The following TANGO6 variants were observed in gnomAD, a reference collection of about 807,000 sequenced individuals.
The protein encoded by TANGO6 is transport and golgi organization 6 homolog.
A neutral mutation model predicts 114.2 loss-of-function variants in TANGO6; 90 were observed. The observed-to-expected ratio is 0.79, with a 90% CI of 0.66 to 0.94. TANGO6 has a LOEUF of 0.94. TANGO6 is among the 40% of genes least tolerant of loss of function. The pLI, the probability that TANGO6 is intolerant of heterozygous loss-of-function variation, is 0.00. For synonymous variants in TANGO6, 477 were observed against 509.8 expected (o/e 0.94, Z 0.87); for missense variants, 1,274 against 1,315.3 (o/e 0.97, Z 0.49).
intron 15 of TANGO6, among the ~76,000 whole-genome samples, chr16:69,018,327 T>C (rs925134416): frequency 9.9e-5 from 15 of 150,894 alleles, no homozygotes; most frequent in Admixed American, 4.0e-4. Context: ...TTTTAATATT[T>C]TTAGTAGAGA....
chr16:68,877,677 C>T (rs1053349867), intron 5 of TANGO6, among the ~76,000 whole-genome samples: 3 of 151,620 alleles, frequency 2.0e-5, no homozygotes, highest in Admixed American at 6.6e-5. Context: ...GCGCGATCTC[C>T]GCTCACTGCA....
intron 17 of TANGO6, among the ~76,000 whole-genome samples, chr16:69,045,412 C>T (rs1200342639): frequency 6.9e-6 from 1 of 144,020 alleles, no homozygotes. Flanking sequence ...CCACTGCACT[C>T]CAGCCTGGGT....
chr16:68,922,050 T>C (rs1009350045), intron 12 of TANGO6, among the ~76,000 whole-genome samples: 4 of 152,140 alleles, frequency 2.6e-5, no homozygotes, highest in Admixed American at 6.6e-5. Flanking sequence ...GCTAACAATA[T>C]ACTGTTTTTT....
chr16:68,973,819 G>A (rs1963734246), intron 14 of TANGO6: 1 of 585,482 alleles, frequency 1.7e-6, no homozygotes, highest in African/African-American at 1.9e-5. Flanking sequence ...GTATCAGGCT[G>A]GGACTAGACA....
At position 68,868,492 on chromosome 16, in the gene TANGO6, A is replaced by ATTTTTTTTTTT. The variant is rs765054621; in HGVS notation, c.994+1285_994+1295dup. Among the ~76,000 whole-genome samples the ATTTTTTTTTTT allele has an allele frequency of 1.3e-3, 119 of 93,686 alleles. 3 individuals carry two copies. The highest frequency in any genetic ancestry group is 2.0e-3 in the Non-Finnish European group (98 of 48,218). 61.5% of individuals were successfully genotyped at this position (93,686 alleles called of 152,430 possible). Reference sequence around the variant, plus strand: ...TTCTGGTATTTACCTCTATATTTCTATTTTTTTTTTTTTTTTTTTTTTTGA... The same window carrying ATTTTTTTTTTT: ...TTCTGGTATTTACCTCTATATTTCTATTTTTTTTTTTTTTTTTTTTTTTTTTTTTTTTTTGA... On this transcript the variant is annotated intron_variant, in intron 4 of 17. Coordinates refer to ENST00000261778, the MANE Select transcript of TANGO6 (RefSeq NM_024562.2).
chr16:69,060,806 A>G (rs1048169695), intron 17 of TANGO6, among the ~76,000 whole-genome samples: 4 of 151,928 alleles, frequency 2.6e-5, no homozygotes, highest in African/African-American at 9.7e-5. Flanking sequence ...ATCCTGGCCA[A>G]CATGGTGAAA....
intron 15 of TANGO6, among the ~76,000 whole-genome samples, chr16:68,988,121 A>G (rs1353280616): frequency 6.6e-6 from 1 of 152,100 alleles, no homozygotes; most frequent in Admixed American, 6.6e-5. Flanking sequence ...AATTCTTGGA[A>G]AAGCTGTCTG....
rs144665570 is a variant in TANGO6, at chr16:69,037,452, G to A, written c.2995-2856G>A. ...ACCCTCTGCTCGGTCCATGGCCTTG[G>A]GCTGGCTTCCATAATTTAGCCATCA... is the stretch of plus-strand genomic sequence containing the variant. On this transcript the variant is annotated intron_variant, in intron 16 of 17. Transcript: ENST00000261778. 7.3e-3 allele frequency among the ~76,000 whole-genome samples: 1,112 copies of A among 152,296 alleles called. 5 individuals are homozygous for A. Among genetic ancestry groups the A allele is most frequent in the Non-Finnish European group, 0.012 (798 of 68,024 alleles).
At chr16:69,054,094 C>A (rs556890543) in intron 17 of TANGO6, among the ~76,000 whole-genome samples, 1 of 152,176 alleles carries the variant, frequency 6.6e-6, no homozygotes, top group Admixed American at 6.5e-5. Flanking sequence ...CTTGGTCTCC[C>A]ATAGAGGATA....
chr16:69,013,681 A>T (rs1959233771), intron 15 of TANGO6, among the ~76,000 whole-genome samples: 1 of 134,308 alleles, frequency 7.4e-6, no homozygotes, highest in South Asian at 2.4e-4. Context: ...TTCCGAGACC[A>T]GGTCTCACTC....
chr16:69,083,881 A>C lies in TANGO6; in HGVS notation c.*220A>C, dbSNP rs1320085838. 3 of 478,560 alleles carry C rather than the reference A, an allele frequency of 6.3e-6. No homozygotes were observed. The highest frequency in any genetic ancestry group is 1.1e-5 in the Non-Finnish European group (3 of 269,232). The allele number at this position is 478,560 out of a possible 1,614,324, so 29.6% of individuals were successfully genotyped here. ...CTGAGGGGTGTACAGTTAAGAGAAG[A>C]CAGTTACAGATCTCATTAATCTACA... On this transcript the variant is annotated 3_prime_UTR_variant, in exon 18 of 18. Transcript: ENST00000261778.
intron 14 of TANGO6, among the ~76,000 whole-genome samples, chr16:68,950,624 G>C (rs1436967214): frequency 6.6e-6 from 1 of 151,740 alleles, no homozygotes; most frequent in Non-Finnish European, 1.5e-5. Flanking sequence ...ACTTTGGGAG[G>C]CTGAGGTGGG....
intron 14 of TANGO6, among the ~76,000 whole-genome samples, chr16:68,943,394 C>G (rs1372480291): frequency 6.9e-6 from 1 of 144,146 alleles, no homozygotes; most frequent in Non-Finnish European, 1.5e-5. Flanking sequence ...GACAGAGTCT[C>G]GCTCTGTCAC....
intron 14 of TANGO6, among the ~76,000 whole-genome samples, chr16:68,953,050 TTTA>T (rs71383944): frequency 0.29 from 40,893 of 139,028 alleles, 6,744 homozygotes; most frequent in East Asian, 0.5. Context: ...ACAGGTATTT[TTTA>T]TTATTATTAT....
chr16:68,994,238 AAGAT>A (rs1963971656), intron 15 of TANGO6, among the ~76,000 whole-genome samples: 1 of 152,150 alleles, frequency 6.6e-6, no homozygotes, highest in Non-Finnish European at 1.5e-5. Flanking sequence ...TTTACTCTGA[AAGAT>A]ATTTATTTAT....
At chr16:69,029,012 G>GA (rs1194602349) in intron 16 of TANGO6, among the ~76,000 whole-genome samples, 1 of 152,106 alleles carries the variant, frequency 6.6e-6, no homozygotes, top group African/African-American at 2.4e-5. Context: ...CATGACCTCT[G>GA]AACTCAAACA....
At chr16:68,958,989 A>C (rs902882528) in intron 14 of TANGO6, among the ~76,000 whole-genome samples, 3 of 152,210 alleles carry the variant, frequency 2.0e-5, no homozygotes, top group Non-Finnish European at 4.4e-5. Context: ...ACAGGATTTT[A>C]ACCTGAAGGG....
intron 15 of TANGO6, among the ~76,000 whole-genome samples, chr16:68,990,686 C>A (rs1258929900): frequency 1.3e-5 from 2 of 152,154 alleles, no homozygotes; most frequent in Non-Finnish European, 2.9e-5. Context: ...AGATTATAGG[C>A]ATGAGCCACC....
At chr16:68,844,415 A>G (rs571436294) in intron 1 of TANGO6, among the ~76,000 whole-genome samples, 2 of 152,268 alleles carry the variant, frequency 1.3e-5, no homozygotes, top group South Asian at 4.1e-4. Flanking sequence ...TCTCAGAATC[A>G]GACAAATTGT....
Sources: allele counts gnomAD v4.1 joint callset (sites outside exome capture counted in the v4.1 genomes callset), GRCh38; gene constraint gnomAD v4.1.1; transcripts MANE v1.5; gene names NCBI Gene and HGNC (gene_info 2026-07-23, HGNC 2026-07-21).